The following ACSS3 variants were observed in gnomAD, a reference collection of about 807,000 sequenced individuals.
The protein encoded by ACSS3 is acyl-CoA synthetase short-chain family member 3, mitochondrial.
ACSS3 carries 64 observed loss-of-function variants against 84.2 expected under a neutral mutation model. The observed-to-expected ratio is 0.76, with a 90% CI of 0.62 to 0.94. The LOEUF (loss-of-function observed/expected upper bound fraction) is 0.94, where lower values mean the gene tolerates loss of function less well. Among genes scored for constraint, ACSS3 ranks in the 40% least tolerant of loss-of-function variants. The probability of loss-of-function intolerance (pLI) is 0.00; values close to 1 mark genes in which losing one functional copy is unlikely to be tolerated. For missense variants in ACSS3, 815 were observed against 867.6 expected (o/e 0.94, Z 0.76); for synonymous variants, 317 against 310.1 (o/e 1.02, Z -0.23).
chr12:81,237,100 G>C (rs2033656066), intron 13 of ACSS3, among the ~76,000 whole-genome samples: 1 of 151,414 alleles, frequency 6.6e-6, no homozygotes, highest in Admixed American at 6.6e-5. Flanking sequence ...ATAGCCCCAG[G>C]AGCCAGACCG....
intron 8 of ACSS3, among the ~76,000 whole-genome samples, chr12:81,175,361 T>C (rs1370657651): frequency 6.6e-6 from 1 of 152,004 alleles, no homozygotes; most frequent in Non-Finnish European, 1.5e-5. Flanking sequence ...ATAGTCCAAA[T>C]TAAATATATT....
chr12:81,081,154 G>A (rs1880948793), intron 1 of ACSS3, among the ~76,000 whole-genome samples: 1 of 152,170 alleles, frequency 6.6e-6, no homozygotes, highest in African/African-American at 2.4e-5. Flanking sequence ...CTTATCAAAA[G>A]TCTCAGCATA....
intron 1 of ACSS3, among the ~76,000 whole-genome samples, chr12:81,083,221 A>G (rs1265457838): frequency 6.6e-6 from 1 of 152,188 alleles, no homozygotes; most frequent in African/African-American, 2.4e-5. Flanking sequence ...ATTTGCATTT[A>G]CTTCTTAGGT....
Position 81,151,930 on chromosome 12 carries a change from C to T in ACSS3, c.1002+6C>T, listed in dbSNP as rs762016409. 36 of 1,613,446 alleles carry T rather than the reference C, an allele frequency of 2.2e-5. No homozygotes were observed. In the African/African-American group the frequency reaches 4.1e-4, roughly 19 times the overall value. ...ACGGACTTCAACCCGGAGAGGTAAT[C>T]GTGGTTTTAAATTTACATTACATGA... On this transcript the variant is annotated splice_donor_region_variant and intron_variant, in intron 6 of 15. Coordinates refer to ENST00000548058, the MANE Select transcript of ACSS3 (RefSeq NM_024560.4).
chr12:81,087,360 G>T (rs1881383894), intron 1 of ACSS3, among the ~76,000 whole-genome samples: 1 of 151,762 alleles, frequency 6.6e-6, no homozygotes, highest in Non-Finnish European at 1.5e-5. Context: ...CAGCAGTTAA[G>T]TAAAATAAAT....
chr12:81,174,094 G>A (rs7135822), intron 7 of ACSS3, among the ~76,000 whole-genome samples: 57,024 of 152,014 alleles, frequency 0.38, 11,902 homozygotes, highest in Non-Finnish European at 0.47. Context: ...AATGTTTGGA[G>A]AGTTACTGAC....
chr12:81,248,805 A>C (rs1251043183), intron 13 of ACSS3, among the ~76,000 whole-genome samples: 1 of 152,016 alleles, frequency 6.6e-6, no homozygotes, highest in East Asian at 1.9e-4. Flanking sequence ...ATGTAACAAA[A>C]TATCACATGT....
chr12:81,096,590 T>G (rs1341512304), intron 1 of ACSS3, among the ~76,000 whole-genome samples: 5 of 152,168 alleles, frequency 3.3e-5, no homozygotes, highest in Non-Finnish European at 5.9e-5. Context: ...TCATCTACAT[T>G]AGGTATTTCT....
At chr12:81,201,338 A>C (rs1018352436) in intron 9 of ACSS3, among the ~76,000 whole-genome samples, 1 of 152,248 alleles carries the variant, frequency 6.6e-6, no homozygotes, top group African/African-American at 2.4e-5. Flanking sequence ...GTGACCCGAC[A>C]CAAACGCTTG....
intron 9 of ACSS3, among the ~76,000 whole-genome samples, chr12:81,213,402 G>A (rs879710601): frequency 6.6e-6 from 1 of 152,004 alleles, no homozygotes; most frequent in African/African-American, 2.4e-5. Flanking sequence ...ATGTTCAGAG[G>A]TACAAAGAAG....
chr12:81,125,300 A>G (rs1203190041), intron 2 of ACSS3, among the ~76,000 whole-genome samples: 1 of 152,250 alleles, frequency 6.6e-6, no homozygotes, highest in Admixed American at 6.5e-5. Context: ...TCACTGATTA[A>G]CTTCAGAAAA....
chr12:81,236,506 T>C (rs559834181), intron 13 of ACSS3, among the ~76,000 whole-genome samples: 1 of 151,418 alleles, frequency 6.6e-6, no homozygotes, highest in Non-Finnish European at 1.5e-5. Flanking sequence ...ATCTGTATTA[T>C]GTTTCATGTG....
At chr12:81,151,614 A>G (rs960861454) in intron 5 of ACSS3, 8 of 393,908 alleles carry the variant, frequency 2.0e-5, no homozygotes, top group African/African-American at 1.0e-4. Context: ...TAATAATGTT[A>G]TGTGAGAATG....
chr12:81,225,184 G>A (rs1347231824), intron 11 of ACSS3, among the ~76,000 whole-genome samples: 1 of 151,644 alleles, frequency 6.6e-6, no homozygotes, highest in Non-Finnish European at 1.5e-5. Context: ...GTTTCTGTAT[G>A]TGTGTGTCTA....
intron 11 of ACSS3, among the ~76,000 whole-genome samples, chr12:81,222,129 A>G (rs947556396): frequency 3.9e-5 from 6 of 152,088 alleles, no homozygotes; most frequent in Non-Finnish European, 7.4e-5. Flanking sequence ...GATTGTCACC[A>G]ATTCACAATT....
intron 1 of ACSS3, among the ~76,000 whole-genome samples, chr12:81,107,511 C>CACACATATATATATATATATATAT (rs1403415163): frequency 5.2e-5 from 2 of 38,828 alleles, no homozygotes; most frequent in African/African-American, 1.7e-4. Flanking sequence ...CAAATATATA[C>CACACATATATATATATATATATAT]ATATATATAT....
intron 2 of ACSS3, among the ~76,000 whole-genome samples, chr12:81,127,306 A>G (rs1159152092): frequency 1.3e-5 from 2 of 152,082 alleles, no homozygotes; most frequent in Admixed American, 1.3e-4. Flanking sequence ...CAAAAAAGAT[A>G]GTTTTACTAT....
intron 11 of ACSS3, among the ~76,000 whole-genome samples, chr12:81,223,871 C>G (rs1055865230): frequency 1.3e-5 from 2 of 151,896 alleles, no homozygotes; most frequent in Non-Finnish European, 2.9e-5. Flanking sequence ...CATCTTTTAT[C>G]TAGGATAGGA....
chr12:81,140,561 T>A (rs1177063041), intron 4 of ACSS3, among the ~76,000 whole-genome samples: 1 of 152,240 alleles, frequency 6.6e-6, no homozygotes, highest in Non-Finnish European at 1.5e-5. Context: ...CATTACCACA[T>A]TAAATTCCTG....
Sources: gnomAD v4.1 joint callset for allele counts (sites outside exome capture counted in the v4.1 genomes callset) on GRCh38, gnomAD v4.1.1 for gene constraint, MANE v1.5 for transcripts, NCBI Gene and HGNC (gene_info 2026-07-23, HGNC 2026-07-21) for gene names.